Variants in ADGRB3 observed in about 807,000 individuals in gnomAD.
ADGRB3 encodes brain-specific angiogenesis inhibitor 3.
ADGRB3 carries 37 observed loss-of-function variants against 193.4 expected under a neutral mutation model. The ratio of observed to expected loss-of-function variants is 0.19; its 90% CI spans 0.15 to 0.25. ADGRB3 has a LOEUF of 0.25. Among genes scored for constraint, ADGRB3 ranks in the 10% least tolerant of loss-of-function variants. The pLI, the probability that ADGRB3 is intolerant of heterozygous loss-of-function variation, is 1.00. For missense variants in ADGRB3, 1,637 were observed against 1,852.9 expected (o/e 0.88, Z 2.14); for synonymous variants, 690 against 644.2 (o/e 1.07, Z -1.08).
In ADGRB3 at chr6:68,816,535, T is replaced by C. The variant is rs905906555; in HGVS notation, c.758-114024T>C. Among the ~76,000 whole-genome samples the C allele has an allele frequency of 1.3e-4, 20 of 152,170 alleles. No individual in the cohort carries two copies. The East Asian group carries it at 1.4e-3, about 10-fold the overall frequency. On this transcript the variant is annotated intron_variant, in intron 3 of 31. Transcript: ENST00000370598. ...CAAGTTCTTATTTATGAAACAAATA[T>C]AAATTTATCTTTCTCTAAATGCCTT...
intron 8 of ADGRB3, among the ~76,000 whole-genome samples, chr6:68,965,053 A>C (rs1230917719): frequency 2.6e-5 from 4 of 152,200 alleles, no homozygotes; most frequent in Admixed American, 6.6e-5. Flanking sequence ...TTAAAATGAG[A>C]ATAACAATTC....
chr6:69,177,610 T>C (rs905669732), intron 17 of ADGRB3, among the ~76,000 whole-genome samples: 3 of 152,200 alleles, frequency 2.0e-5, no homozygotes, highest in African/African-American at 7.2e-5. Context: ...CCTCCCAAAG[T>C]GCTGGGATTA....
At chr6:68,906,329 A>T (rs1766545741) in intron 3 of ADGRB3, among the ~76,000 whole-genome samples, 1 of 151,912 alleles carries the variant, frequency 6.6e-6, no homozygotes, top group South Asian at 2.1e-4. Context: ...TATTGTTGGT[A>T]TACCATATAT....
intron 29 of ADGRB3, among the ~76,000 whole-genome samples, chr6:69,367,973 T>C (rs367958659): frequency 4.9e-5 from 6 of 122,566 alleles, no homozygotes; most frequent in African/African-American, 1.9e-4. Context: ...GGAAGGGGAA[T>C]ATCACACTCT....
intron 17 of ADGRB3, among the ~76,000 whole-genome samples, chr6:69,141,338 T>A (rs1774337192): frequency 6.6e-6 from 1 of 152,030 alleles, no homozygotes; most frequent in Non-Finnish European, 1.5e-5. Flanking sequence ...TTAGCCAGGA[T>A]TGTCTCGATC....
intron 10 of ADGRB3, among the ~76,000 whole-genome samples, chr6:68,978,922 A>G (rs1363960318): frequency 6.6e-6 from 1 of 151,408 alleles, no homozygotes; most frequent in Non-Finnish European, 1.5e-5. Context: ...CATAGATTAC[A>G]ATATATGTGT....
At chr6:69,275,936 T>C (rs73745993) in intron 20 of ADGRB3, among the ~76,000 whole-genome samples, 2,451 of 152,292 alleles carry the variant, frequency 0.016, 62 homozygotes, top group African/African-American at 0.055. Context: ...CAAACATACA[T>C]GCTATAAGGT....
At chr6:68,946,719 C>T (rs534717755) in intron 6 of ADGRB3, among the ~76,000 whole-genome samples, 3 of 152,098 alleles carry the variant, frequency 2.0e-5, no homozygotes, top group South Asian at 2.1e-4. Flanking sequence ...CAGGATTTGA[C>T]GGGGTGGGCT....
chr6:68,709,675 A>AT (rs1305148871), intron 3 of ADGRB3, among the ~76,000 whole-genome samples: 5 of 152,086 alleles, frequency 3.3e-5, no homozygotes, highest in Non-Finnish European at 5.9e-5. Context: ...AAATAGTGTC[A>AT]TTTTTTTCTC....
At chr6:69,328,100 A>G (rs1391192153) in intron 22 of ADGRB3, among the ~76,000 whole-genome samples, 1 of 152,180 alleles carries the variant, frequency 6.6e-6, no homozygotes, top group Non-Finnish European at 1.5e-5. Context: ...TTAGTTTCCC[A>G]TTTCTTAATA....
intron 14 of ADGRB3, among the ~76,000 whole-genome samples, chr6:69,048,661 G>A (rs914386120): frequency 1.3e-5 from 2 of 151,982 alleles, no homozygotes; most frequent in South Asian, 4.2e-4. Context: ...GAAATGTGTT[G>A]TATTTTCCAT....
intron 13 of ADGRB3, among the ~76,000 whole-genome samples, chr6:69,041,344 G>A (rs1420209189): frequency 8.4e-6 from 1 of 118,658 alleles, no homozygotes; most frequent in African/African-American, 3.4e-5. Context: ...ATTAAACTGA[G>A]CATATATATA....
intron 3 of ADGRB3, among the ~76,000 whole-genome samples, chr6:68,782,721 CA>C (rs1479140240): frequency 2.0e-5 from 3 of 152,050 alleles, no homozygotes; most frequent in Non-Finnish European, 2.9e-5. Flanking sequence ...CTCTGATGGC[CA>C]GTGATGATGA....
chr6:69,386,030 G>C (rs1371183329), intron 31 of ADGRB3, among the ~76,000 whole-genome samples: 1 of 152,022 alleles, frequency 6.6e-6, no homozygotes, highest in African/African-American at 2.4e-5. Context: ...CCACACATTT[G>C]TGAACAATAA....
intron 8 of ADGRB3, among the ~76,000 whole-genome samples, chr6:68,962,573 T>G (rs1768265589): frequency 6.6e-6 from 1 of 152,174 alleles, no homozygotes; most frequent in South Asian, 2.1e-4. Context: ...TAGAAATATT[T>G]AGCAACATGC....
chr6:68,812,782 G>A (rs113503108), intron 3 of ADGRB3, among the ~76,000 whole-genome samples: 1,591 of 151,732 alleles, frequency 0.01, 29 homozygotes, highest in African/African-American at 0.034. Context: ...CCATCAACCC[G>A]TCATCTACAT....
chr6:68,916,728 A>C (rs1766888804), intron 3 of ADGRB3, among the ~76,000 whole-genome samples: 1 of 152,156 alleles, frequency 6.6e-6, no homozygotes, highest in Non-Finnish European at 1.5e-5. Context: ...TTTTCAGTTG[A>C]AAAAAATCAA....
intron 3 of ADGRB3, among the ~76,000 whole-genome samples, chr6:68,777,617 G>T (rs577404596): frequency 2.1e-5 from 3 of 142,106 alleles, no homozygotes; most frequent in Admixed American, 7.1e-5. Flanking sequence ...AAAAAAAATT[G>T]CTAATGGGAC....
Position 69,388,741 on chromosome 6 carries a change from C to T in ADGRB3, c.4419C>T (p.Phe1473=). Residue 1473 remains phenylalanine, a synonymous_variant, in exon 32 of 32, where the codon TTC becomes TTT. Transcript: ENST00000370598. ...PAPNKNPWDT[F]KNPSEYPHYT... The stretch of plus-strand genomic sequence containing the variant: ...CAAACAAGAATCCATGGGACACTTT[C>T]AAAAACCCCAGTGAATACCCGCATT... The T allele has an allele frequency of 6.2e-7, 1 of 1,613,342 alleles. No individual in the cohort carries two copies. The highest frequency in any genetic ancestry group is 1.1e-5 in the South Asian group (1 of 91,042).
Sources: gnomAD v4.1 joint callset for allele counts (sites outside exome capture counted in the v4.1 genomes callset) on GRCh38, gnomAD v4.1.1 for gene constraint, MANE v1.5 for transcripts, NCBI Gene and HGNC (gene_info 2026-07-23, HGNC 2026-07-21) for gene names.